The following PCM1 variants were observed in gnomAD, a reference collection of about 807,000 sequenced individuals.
PCM1 encodes pericentriolar material 1 protein.
Under a neutral mutation model 241.9 loss-of-function variants are expected in PCM1, and 157 were observed. The ratio of observed to expected loss-of-function variants is 0.65; its 90% CI spans 0.57 to 0.74. The LOEUF is 0.74. Ranked by LOEUF, PCM1 falls within the 30% of genes least tolerant of loss-of-function variation. The pLI is 0.00. For synonymous variants in PCM1, 1,085 were observed against 784.9 expected, an observed-to-expected ratio of 1.38 and a Z score of -6.39; for missense variants, 3,478 against 2,360.1, an observed-to-expected ratio of 1.47 and a Z score of -9.81.
In PCM1 at chr8:17,985,946, T is replaced by G; in HGVS notation, c.4282-13T>G. 6.8e-7 allele frequency: 1 copy of G among 1,472,548 alleles called. No individual in the cohort carries two copies. 91.2% of individuals were successfully genotyped at this position (1,472,548 alleles called of 1,614,324 possible). A position where few individuals can be genotyped will look rare whatever the true frequency, so the allele number is the denominator to read the frequency against. On this transcript the variant is annotated splice_polypyrimidine_tract_variant and intron_variant, in intron 25 of 38. Transcript: ENST00000325083. ...ATGTTTTATATAAATGATGATCTTA[T>G]TTTCTTATTTAGGACATAGTATCCA... is the stretch of plus-strand genomic sequence containing the variant.
At chr8:18,013,819 G>T (rs1208834011) in intron 34 of PCM1, 145 bp from the exon 35 acceptor site, 3 of 585,262 alleles carry the variant, frequency 5.1e-6, no homozygotes, top group Admixed American at 3.8e-5. Context: ...AACCAAAGCC[G>T]CCTCCTTGAA....
chr8:18,023,048 G>A (rs961068736), intron 36 of PCM1, among the ~76,000 whole-genome samples: 1 of 152,166 alleles, frequency 6.6e-6, no homozygotes, highest in African/African-American at 2.4e-5. Context: ...TGCAGATGCA[G>A]ATATGACAGA....
At chr8:18,007,603 G>C (rs1013367792) in intron 30 of PCM1, among the ~76,000 whole-genome samples, 1 of 152,150 alleles carries the variant, frequency 6.6e-6, no homozygotes, top group South Asian at 2.1e-4. Flanking sequence ...CTCAGTCTAA[G>C]GTTTGACTGC....
intron 5 of PCM1, 105 bp from the exon 6 acceptor site, chr8:17,939,586 C>G (rs761294788): frequency 1.8e-6 from 1 of 547,546 alleles, no homozygotes; most frequent in Non-Finnish European, 3.0e-6. Context: ...CTTTGGTTAT[C>G]TTCGAAATAA....
At chr8:17,933,021 A>G (rs2059482191) in intron 2 of PCM1, among the ~76,000 whole-genome samples, 1 of 152,156 alleles carries the variant, frequency 6.6e-6, no homozygotes, top group Non-Finnish European at 1.5e-5. Flanking sequence ...CTCTTCTATG[A>G]TTGAGGTGAA....
chr8:17,937,310 G>C lies in PCM1; in HGVS notation c.273G>C (p.Gln91His), dbSNP rs200940134. 1.9e-4 allele frequency: 298 copies of C among 1,609,090 alleles called. No homozygotes were observed. Among genetic ancestry groups the C allele is most frequent in the Non-Finnish European group, 2.5e-4 (289 of 1,176,738 alleles). ...TCCCACACAGTAGATACATGAGTCAGATGTCTGTCCCAGAGCAGGCAGAAT... is the reference window on the plus strand; with the variant it reads ...TCCCACACAGTAGATACATGAGTCACATGTCTGTCCCAGAGCAGGCAGAAT... ...HTFPHSRYMS[Q>H]MSVPEQAELE... The change falls in exon 4 of 39, where the codon CAG becomes CAC. Residue 91 changes from glutamine to histidine, a missense_variant. Gln to His is a conservative substitution (Grantham distance 24). Transcript: ENST00000325083.
In PCM1 at chr8:18,028,455, AAACTT is replaced by A. The variant is rs746620376; in HGVS notation, c.*799_*803del. On this transcript the variant is annotated 3_prime_UTR_variant, in exon 39 of 39. Transcript: ENST00000325083. ...AACATTGTGGTTAATTTTAAATGAA[AAACTT>A]AACTTTTTCAAGTGGGGATAAATAA... 1 of 193,948 alleles carries A rather than the reference AAACTT, an allele frequency of 5.2e-6. No homozygotes were observed. The highest frequency in any genetic ancestry group is 2.3e-5 in the African/African-American group (1 of 43,086). The allele number at this position is 193,948 out of a possible 1,614,324, so 12.0% of individuals were successfully genotyped here.
chr8:17,993,503 C>G lies in PCM1; in HGVS notation c.4711C>G (p.Arg1571Gly). The G allele has an allele frequency of 6.4e-7, 1 of 1,571,756 alleles. No individual in the cohort carries two copies. Among genetic ancestry groups the G allele is most frequent in the Non-Finnish European group, 8.6e-7 (1 of 1,159,910 alleles). Residue 1571 changes from arginine (R) to glycine (G), a missense_variant, in exon 29 of 39, where the codon CGT (arginine) becomes GGT (glycine). Physicochemically the swap from Arg to Gly is moderately radical, Grantham distance 125. Transcript: ENST00000325083. ...NLEETPVIENRSSQQPVSEVS... is the reference protein window; with the variant it reads ...NLEETPVIENGSSQQPVSEVS... ...ATTAGAAACTCCCGTTATTGAAAAT[C>G]GTAGTTCACAACAACCTGTAAGTGA...
rs374772659 is a variant in PCM1, at chr8:17,956,075, T to C, written c.1472+422T>C. ...GGATGATAATATACCTGTTGATAAA[T>C]ATGTTTTCATTAAAAAACGTTGGCG... On this transcript the variant is annotated intron_variant, in intron 10 of 38. Transcript: ENST00000325083. The C allele has an allele frequency of 2.9e-5, 6 of 208,690 alleles. No homozygotes were observed. In the South Asian group the frequency reaches 3.2e-4, roughly 11 times the overall value. The allele number at this position is 208,690 out of a possible 1,614,324, so 12.9% of individuals were successfully genotyped here.
In PCM1 at chr8:17,972,531, A is replaced by G. The variant is rs759425199; in HGVS notation, c.3787A>G (p.Ser1263Gly). The G allele has an allele frequency of 8.7e-6, 14 of 1,613,978 alleles. No homozygotes were observed. Among genetic ancestry groups the G allele is most frequent in the Middle Eastern group, 1.6e-4 (1 of 6,062 alleles). Residue 1263 changes from serine to glycine, a missense_variant, in exon 23 of 39, where the codon AGT (serine) becomes GGT (glycine). Ser to Gly is a moderately conservative substitution (Grantham distance 56). Coordinates refer to ENST00000325083, the MANE Select transcript of PCM1 (RefSeq NM_006197.4). ...TGAAGAATCACTGGAAAGCTTTAGC[A>G]GTATGCCTGATCCAGTAGATCCAAC... is the stretch of plus-strand genomic sequence containing the variant. ...FDEESLESFS[S>G]MPDPVDPTTV...
At chr8:18,014,975 C>T in intron 36 of PCM1, 135 bp downstream of exon 36, 1 of 727,676 alleles carries the variant, frequency 1.4e-6, no homozygotes, top group South Asian at 2.1e-5. Flanking sequence ...TTTTCTAATT[C>T]ACACTTTAAC....
intron 6 of PCM1, among the ~76,000 whole-genome samples, chr8:17,941,672 T>C (rs1360950749): frequency 6.6e-6 from 1 of 152,140 alleles, no homozygotes; most frequent in Non-Finnish European, 1.5e-5. Flanking sequence ...AGTCTGAGAA[T>C]TCGGCCGTGC....
intron 26 of PCM1, 33 bp from the exon 27 acceptor site, chr8:17,989,826 T>G (rs2083896860): frequency 7.2e-7 from 1 of 1,380,368 alleles, no homozygotes; most frequent in African/African-American, 1.4e-5. Flanking sequence ...CTTAGAAGTA[T>G]TAGTGATTTT....
chr8:17,990,844 T>A (rs1320123511), intron 27 of PCM1, among the ~76,000 whole-genome samples: 2 of 152,066 alleles, frequency 1.3e-5, no homozygotes, highest in African/African-American at 4.8e-5. Flanking sequence ...AAAACAAAAG[T>A]CTTCCTTTTG....
intron 24 of PCM1, among the ~76,000 whole-genome samples, chr8:17,983,445 T>A (rs1380093061): frequency 6.6e-6 from 1 of 152,150 alleles, no homozygotes; most frequent in Non-Finnish European, 1.5e-5. Flanking sequence ...CATAAAATTC[T>A]GAACCCATTC....
intron 30 of PCM1, 149 bp downstream of exon 30, chr8:18,006,546 T>G (rs1461622050): frequency 5.2e-6 from 3 of 575,302 alleles, no homozygotes; most frequent in Non-Finnish European, 9.3e-6. Flanking sequence ...TGTAATACTT[T>G]TTAGTTGTCA....
chr8:17,967,434 A>C (rs369349021), intron 21 of PCM1, among the ~76,000 whole-genome samples: 2 of 151,776 alleles, frequency 1.3e-5, no homozygotes, highest in African/African-American at 4.8e-5. Context: ...TCAGCTTCCT[A>C]AGTAGCTGGG....
In PCM1 at chr8:17,949,008, A is replaced by G. The variant is rs145410148; in HGVS notation, c.962-1607A>G. ...ATTTATATAGAATTTTAGCAGAATT[A>G]CATTTCTTGAATTGTAGGTCAGGGG... On this transcript the variant is annotated intron_variant, in intron 7 of 38. Transcript: ENST00000325083. Among the ~76,000 whole-genome samples, 32 of 152,316 alleles carry G rather than the reference A, an allele frequency of 2.1e-4. No homozygotes were observed. The East Asian group carries it at 5.8e-3, about 28-fold the overall frequency.
intron 2 of PCM1, among the ~76,000 whole-genome samples, chr8:17,933,469 G>A (rs2059594725): frequency 6.6e-6 from 1 of 152,140 alleles, no homozygotes; most frequent in Non-Finnish European, 1.5e-5. Context: ...GAGAATCCCA[G>A]TGGGATCTTA....
Sources: allele counts gnomAD v4.1 joint callset (sites outside exome capture counted in the v4.1 genomes callset), GRCh38; gene constraint gnomAD v4.1.1; transcripts MANE v1.5; gene names NCBI Gene and HGNC (gene_info 2026-07-23, HGNC 2026-07-21).